PPM1A: variants seen among roughly 807,000 people sequenced by gnomAD.
The protein encoded by PPM1A is protein phosphatase, Mg2+/Mn2+ dependent 1A, also known as protein phosphatase 1A.
A neutral mutation model predicts 35.0 loss-of-function variants in PPM1A; 7 were observed. The observed-to-expected ratio is 0.20, with a 90% CI of 0.11 to 0.38. PPM1A has a LOEUF of 0.38. Among genes scored for constraint, PPM1A ranks in the 10% least tolerant of loss-of-function variants. PPM1A has a pLI of 1.00. For missense variants in PPM1A, 239 were observed against 467.8 expected (o/e 0.51, Z 4.51); for synonymous variants, 153 against 167.3 (o/e 0.91, Z 0.66).
intron 1 of PPM1A, among the ~76,000 whole-genome samples, chr14:60,261,439 CT>C (rs1883734793): frequency 1.3e-5 from 2 of 152,058 alleles, no homozygotes; most frequent in Admixed American, 6.6e-5. Flanking sequence ...GGATAGCCCC[CT>C]TTTTTGATGA....
intron 1 of PPM1A, among the ~76,000 whole-genome samples, chr14:60,278,594 A>G (rs1262719615): frequency 6.6e-6 from 1 of 152,176 alleles, no homozygotes; most frequent in African/African-American, 2.4e-5. Context: ...TCATTCGACA[A>G]AGATTGAACT....
chr14:60,248,477 C>T (rs1377146801), upstream of PPM1A, among the ~76,000 whole-genome samples: 1 of 152,230 alleles, frequency 6.6e-6, no homozygotes, highest in Non-Finnish European at 1.5e-5. Flanking sequence ...CAGTTGCACT[C>T]GCACATTGGT....
Position 60,289,612 on chromosome 14 carries a change from T to C in PPM1A, c.953-194T>C, listed in dbSNP as rs1436635512. On this transcript the variant is annotated intron_variant, in intron 3 of 5. Transcript: ENST00000395076. The surrounding 1 kb of genome is among the most constrained non-coding windows in gnomAD (Gnocchi z 4.1). ...TAATTTTGATTTGAAGTTAATCTTA[T>C]ATGTCATTTTGTGCATTTTTTGTCA... 6.6e-6 allele frequency among the ~76,000 whole-genome samples: 1 copy of C among 152,188 alleles called. No homozygotes were observed. The highest frequency in any genetic ancestry group is 2.4e-5 in the African/African-American group (1 of 41,450).
rs758808270 is a variant in PPM1A at position 60,255,177 on chromosome 14, TTGTTTTG to T, written c.-21+5502_-21+5508del. Among the ~76,000 whole-genome samples the T allele has an allele frequency of 4.3e-3, 283 of 65,328 alleles. 29 individuals carry two copies. Among genetic ancestry groups the T allele is most frequent in the East Asian group, 0.024 (96 of 3,970 alleles). 42.9% of individuals were successfully genotyped at this position (65,328 alleles called of 152,430 possible). A position where few individuals can be genotyped will look rare whatever the true frequency, so the allele number is the denominator to read the frequency against. On this transcript the variant is annotated intron_variant, in intron 1 of 5. Coordinates refer to ENST00000395076, the MANE Select transcript of PPM1A (RefSeq NM_021003.5). ...ATCATATGTTTTTTTTTTTTTTGTT[TTGTTTTG>T]TTTTTGAGACAGAGTCTCGCTCTGT...
At chr14:60,263,168 A>G (rs1355984026) in intron 1 of PPM1A, among the ~76,000 whole-genome samples, 6 of 152,060 alleles carry the variant, frequency 3.9e-5, no homozygotes, top group Admixed American at 3.9e-4. Flanking sequence ...CAGTAAGCCA[A>G]GATGGCACCA....
upstream of PPM1A, among the ~76,000 whole-genome samples, chr14:60,247,523 G>A (rs535680882): frequency 1.6e-4 from 24 of 151,162 alleles, no homozygotes; most frequent in African/African-American, 5.8e-4. Context: ...CCAGCTACTC[G>A]GGAGGCTGAG....
At chr14:60,281,593 A>G (rs1301705310) in intron 1 of PPM1A, among the ~76,000 whole-genome samples, 2 of 152,128 alleles carry the variant, frequency 1.3e-5, no homozygotes, top group Non-Finnish European at 2.9e-5. Flanking sequence ...TCATCATGCT[A>G]TCCTTCTTTT....
At chr14:60,267,047 T>A (rs1038735084) in intron 1 of PPM1A, among the ~76,000 whole-genome samples, 1 of 152,226 alleles carries the variant, frequency 6.6e-6, no homozygotes, top group Non-Finnish European at 1.5e-5. Context: ...TATGGTTTTC[T>A]ATAGTCAAAT....
intron 1 of PPM1A, among the ~76,000 whole-genome samples, chr14:60,277,538 T>C (rs1885905855): frequency 6.6e-6 from 1 of 152,090 alleles, no homozygotes; most frequent in African/African-American, 2.4e-5. Flanking sequence ...AATAATATAC[T>C]GTATATATTT....
chr14:60,287,445 TTGC>T (rs1390712207), intron 3 of PPM1A: 10 of 984,658 alleles, frequency 1.0e-5, no homozygotes, highest in East Asian at 2.3e-4. Context: ...TACATTAAAA[TTGC>T]TGCTATTTTA....
chr14:60,269,036 T>A (rs1354010467), intron 1 of PPM1A, among the ~76,000 whole-genome samples: 2 of 152,018 alleles, frequency 1.3e-5, no homozygotes, highest in African/African-American at 4.8e-5. Flanking sequence ...ATTATTTGAT[T>A]TTTCAATTAA....
chr14:60,285,657 T>A lies in PPM1A; in HGVS notation c.868T>A (p.Cys290Ser). 5 of 1,614,002 alleles carry A rather than the reference T, an allele frequency of 3.1e-6. No individual in the cohort carries two copies. The highest frequency in any genetic ancestry group is 4.2e-6 in the Non-Finnish European group (5 of 1,179,936). ...AGACAACATGAGTGTGATTTTGATC[T>A]GTTTTCCAAATGCACCCAAAGTATC... The part of the protein sequence containing the change: ...SRDNMSVILI[C>S]FPNAPKVSPE... The change falls in exon 3 of 6, where the codon TGT becomes AGT. Residue 290 changes from cysteine to serine, a missense_variant. By Grantham distance (112) the Cys-to-Ser change is moderately radical. Around this residue, in one of 2 missense-constraint regions of PPM1A, gnomAD observed 175 missense variants for 389.2 expected, o/e 0.45. Coordinates refer to ENST00000395076, the MANE Select transcript of PPM1A (RefSeq NM_021003.5).
chr14:60,282,362 A>C lies in PPM1A; in HGVS notation c.-20-322A>C, dbSNP rs1319088910. ...ATACATACAACTTAGTCCTGAGCTT[A>C]CACATGTTCATTGTATCATTAAACA... is the stretch of plus-strand genomic sequence containing the variant. On this transcript the variant is annotated intron_variant, in intron 1 of 5. Coordinates refer to ENST00000395076, the MANE Select transcript of PPM1A (RefSeq NM_021003.5). The surrounding 1 kb of genome is among the most constrained non-coding windows in gnomAD (Gnocchi z 5.1). 6.6e-6 allele frequency among the ~76,000 whole-genome samples: 1 copy of C among 152,246 alleles called. No homozygotes were observed. The highest frequency in any genetic ancestry group is 2.4e-5 in the African/African-American group (1 of 41,470).
rs1887158310 is a variant in PPM1A at position 60,287,639 on chromosome 14, A to G, written c.952+1898A>G. ...AAACCTCATTTTATTTGCTTGGAAC[A>G]TTTTTGGCTTCTCTGTCCACACCAT... On this transcript the variant is annotated intron_variant, in intron 3 of 5. Transcript: ENST00000395076. 4.1e-6 allele frequency: 4 copies of G among 985,010 alleles called. No individual in the cohort carries two copies. The African/African-American group carries it at 7.0e-5, about 17-fold the overall frequency. The allele number at this position is 985,010 out of a possible 1,614,324, so 61.0% of individuals were successfully genotyped here.
rs1415642617 is a variant in PPM1A, at chr14:60,295,365, G to A, written c.*2883G>A. The A allele has an allele frequency of 1.3e-5, 2 of 151,586 alleles. No individual in the cohort carries two copies. The highest frequency in any genetic ancestry group is 3.0e-5 in the Non-Finnish European group (2 of 67,684). 9.4% of individuals were successfully genotyped at this position (151,586 alleles called of 1,614,324 possible). A position where few individuals can be genotyped will look rare whatever the true frequency, so the allele number is the denominator to read the frequency against. On this transcript the variant is annotated 3_prime_UTR_variant, in exon 6 of 6. Transcript: ENST00000395076. ...AGCATATACTTTAAAAAATCAAAGT[G>A]ATAACTTAATTCAGCTTTGGAAGTA...
intron 1 of PPM1A, among the ~76,000 whole-genome samples, chr14:60,272,142 C>A (rs991908175): frequency 1.0e-4 from 15 of 149,784 alleles, no homozygotes; most frequent in African/African-American, 3.7e-4. Context: ...AGTCTAAGTT[C>A]TTTTTACTTT....
chr14:60,276,914 T>C, intron 1 of PPM1A: 2 of 386,148 alleles, frequency 5.2e-6, no homozygotes, highest in Non-Finnish European at 7.8e-6. Context: ...TTTTTCAGTT[T>C]AGGGATTAGT....
upstream of PPM1A, among the ~76,000 whole-genome samples, chr14:60,247,920 A>G (rs903698239): frequency 1.3e-5 from 2 of 152,236 alleles, no homozygotes; most frequent in Non-Finnish European, 2.9e-5. Context: ...TTGGCCAGTA[A>G]AAGAACCTGC....
rs1412086253 is a variant in PPM1A, at chr14:60,289,276, A to G, written c.953-530A>G. Among the ~76,000 whole-genome samples, 1 of 152,146 alleles carries G rather than the reference A, an allele frequency of 6.6e-6. No individual in the cohort carries two copies. Among genetic ancestry groups the G allele is most frequent in the Non-Finnish European group, 1.5e-5 (1 of 67,984 alleles). On this transcript the variant is annotated intron_variant, in intron 3 of 5. Coordinates refer to ENST00000395076, the MANE Select transcript of PPM1A (RefSeq NM_021003.5). This position sits in a 1 kb window ranked among gnomAD's most constrained non-coding sequence, Gnocchi z 4.1. The stretch of plus-strand genomic sequence containing the variant: ...TGAGACAGTGATGTTCAAGTACATA[A>G]TCTGTGCATGCTATTTAAGTATCAT...
Sources: gnomAD v4.1 joint callset for allele counts (sites outside exome capture counted in the v4.1 genomes callset) on GRCh38, gnomAD v4.1.1 for gene constraint, gnomAD v4.1.1 regional missense constraint, Gnocchi (gnomAD v3.1) non-coding constraint, MANE v1.5 for transcripts, NCBI Gene and HGNC (gene_info 2026-07-23, HGNC 2026-07-21) for gene names.